Variants in VEPH1 observed in about 807,000 individuals in gnomAD.
VEPH1 encodes ventricular zone-expressed PH domain-containing protein homolog 1.
A neutral mutation model predicts 85.2 loss-of-function variants in VEPH1; 80 were observed. That is an observed-to-expected ratio of 0.94 (90% CI 0.78 to 1.13). The LOEUF is 1.13. VEPH1 is among the 50% of genes most tolerant of loss of function. The pLI is 0.00. For missense variants in VEPH1, 955 were observed against 980.5 expected (o/e 0.97, Z 0.35); for synonymous variants, 297 against 348.0 (o/e 0.85, Z 1.63).
At chr3:157,476,594 T>C (rs1323472496) in intron 2 of VEPH1, among the ~76,000 whole-genome samples, 1 of 152,146 alleles carries the variant, frequency 6.6e-6, no homozygotes, top group East Asian at 1.9e-4. Context: ...CACTCAACCT[T>C]ATATCCTGTT....
At chr3:157,369,180 G>GGAAAAAAAAA (rs1553773035) in intron 7 of VEPH1, among the ~76,000 whole-genome samples, 20 of 42,778 alleles carry the variant, frequency 4.7e-4, no homozygotes, top group South Asian at 2.3e-3. Flanking sequence ...AAAACCAAAT[G>GGAAAAAAAAA]AAAAAAAAAA....
At position 157,383,537 on chromosome 3, in the gene VEPH1, A is replaced by T. The variant is rs536694555; in HGVS notation, c.907-2161T>A. The stretch of plus-strand genomic sequence containing the variant: ...AAATATTTAATACAGAACAAATTTA[A>T]GTAGTGAAGTTCCCTCATTTTTGGT... On this transcript the variant is annotated intron_variant, in intron 6 of 13. Coordinates refer to ENST00000362010, the MANE Select transcript of VEPH1 (RefSeq NM_001167912.2). 9.8e-5 allele frequency among the ~76,000 whole-genome samples: 15 copies of T among 152,378 alleles called. No individual in the cohort carries two copies. The East Asian group carries it at 2.9e-3, about 29-fold the overall frequency.
At chr3:157,271,277 G>C (rs1246408013) in intron 12 of VEPH1, among the ~76,000 whole-genome samples, 1 of 152,150 alleles carries the variant, frequency 6.6e-6, no homozygotes. Context: ...AGCCTGCGAG[G>C]GTCCAGCTAG....
rs756337672 is a variant in VEPH1 at position 157,261,322 on chromosome 3, C to T, written c.2314G>A (p.Val772Met). 11 of 1,613,618 alleles carry T rather than the reference C, an allele frequency of 6.8e-6. No individual in the cohort carries two copies. In the African/African-American group the frequency reaches 1.1e-4, roughly 16 times the overall value. Reference sequence around the variant, plus strand: ...CTGCGTTTCTTGGCCACAGCCTTCACACTCTGTACTTTGCTGAGTTCTATT... The same window carrying T: ...CTGCGTTTCTTGGCCACAGCCTTCATACTCTGTACTTTGCTGAGTTCTATT... ...CPIELSKVQSVKAVAKKRRDR... is the reference protein window; with the variant it reads ...CPIELSKVQSMKAVAKKRRDR... The change falls in exon 14 of 14, where the codon GTG (valine) becomes ATG (methionine). Residue 772 changes from valine (V) to methionine (M), a missense_variant. Val to Met is a conservative substitution (Grantham distance 21). Transcript: ENST00000362010.
At chr3:157,383,415 G>A (rs1468556005) in intron 6 of VEPH1, among the ~76,000 whole-genome samples, 2 of 152,220 alleles carry the variant, frequency 1.3e-5, no homozygotes, top group Non-Finnish European at 2.9e-5. Flanking sequence ...CACCCAGTGT[G>A]TGTGTCTCAA....
chr3:157,363,219 C>G, intron 9 of VEPH1, 145 bp downstream of exon 9: 1 of 475,772 alleles, frequency 2.1e-6, no homozygotes. Context: ...AAAAAAAAAA[C>G]TAACATAATG....
At chr3:157,402,240 A>T (rs2168431) in intron 6 of VEPH1, among the ~76,000 whole-genome samples, 102,083 of 152,020 alleles carry the variant, frequency 0.67, 34,646 homozygotes, top group South Asian at 0.75. Context: ...CCCCTCTATC[A>T]CTCTCTTACC....
chr3:157,297,591 TGTG>T (rs1718290108), intron 11 of VEPH1, among the ~76,000 whole-genome samples: 3 of 151,938 alleles, frequency 2.0e-5, no homozygotes, highest in African/African-American at 7.3e-5. Flanking sequence ...AAGGGCAGGT[TGTG>T]GTAGATAAGA....
At chr3:157,353,165 T>C (rs898780162) in intron 9 of VEPH1, among the ~76,000 whole-genome samples, 1 of 152,184 alleles carries the variant, frequency 6.6e-6, no homozygotes, top group African/African-American at 2.4e-5. Context: ...CTGAAGCCAA[T>C]TATTCTTATT....
rs938407356 is a variant in VEPH1, at chr3:157,459,613, A to G, written c.529+568T>C. 3.2e-6 allele frequency: 4 copies of G among 1,236,572 alleles called. No homozygotes were observed. In the Admixed American group the frequency reaches 1.2e-4, roughly 36 times the overall value. The allele number at this position is 1,236,572 out of a possible 1,614,324, so 76.6% of individuals were successfully genotyped here. A position where few individuals can be genotyped will look rare whatever the true frequency, so the allele number is the denominator to read the frequency against. ...AAACCAAAGAAAATAAAAGAAGACA[A>G]GGAGAATATTTTGCATGAACTAATT... On this transcript the variant is annotated intron_variant, in intron 4 of 13. Coordinates refer to ENST00000362010, the MANE Select transcript of VEPH1 (RefSeq NM_001167912.2).
intron 2 of VEPH1, among the ~76,000 whole-genome samples, chr3:157,479,132 G>A (rs917463062): frequency 1.3e-5 from 2 of 152,132 alleles, no homozygotes; most frequent in Non-Finnish European, 2.9e-5. Context: ...TTGCATTCCA[G>A]AAAATATCAT....
chr3:157,435,038 C>T (rs1236904100), intron 4 of VEPH1, among the ~76,000 whole-genome samples: 1 of 151,972 alleles, frequency 6.6e-6, no homozygotes, highest in East Asian at 1.9e-4. Context: ...GCCACTTAAT[C>T]CATGCCTTGA....
intron 11 of VEPH1, among the ~76,000 whole-genome samples, chr3:157,287,404 A>G (rs1716917230): frequency 6.6e-6 from 1 of 151,190 alleles, no homozygotes; most frequent in Non-Finnish European, 1.5e-5. Context: ...AATATTTATT[A>G]TGTTGGCTTT....
chr3:157,416,275 A>G (rs938600385), intron 5 of VEPH1, among the ~76,000 whole-genome samples: 2 of 152,218 alleles, frequency 1.3e-5, no homozygotes, highest in Non-Finnish European at 2.9e-5. Context: ...AACAACTAAC[A>G]AGAACATAAA....
chr3:157,401,687 C>G lies in VEPH1; in HGVS notation c.906+12194G>C, dbSNP rs1194947270. ...ATAATTTCTCTGGTACCTTACCCAC[C>G]AAACCTTCTAACACTCCCTATTTTA... is the stretch of plus-strand genomic sequence containing the variant. On this transcript the variant is annotated intron_variant, in intron 6 of 13. Coordinates refer to ENST00000362010, the MANE Select transcript of VEPH1 (RefSeq NM_001167912.2). 4.6e-5 allele frequency among the ~76,000 whole-genome samples: 7 copies of G among 151,972 alleles called. No homozygotes were observed. In the South Asian group the frequency reaches 1.5e-3, roughly 32 times the overall value.
chr3:157,356,885 C>G (rs1725503483), intron 9 of VEPH1, among the ~76,000 whole-genome samples: 1 of 152,266 alleles, frequency 6.6e-6, no homozygotes, highest in Non-Finnish European at 1.5e-5. Context: ...CCATTTTATA[C>G]TGCACTGCAT....
At chr3:157,313,490 G>T in intron 11 of VEPH1, 131 bp downstream of exon 11, 1 of 1,087,958 alleles carries the variant, frequency 9.2e-7, no homozygotes, top group Non-Finnish European at 1.3e-6. Flanking sequence ...TTTCTTACAA[G>T]TGTTTTATGA....
chr3:157,488,349 C>T (rs1434039054), intron 2 of VEPH1, among the ~76,000 whole-genome samples: 2 of 152,100 alleles, frequency 1.3e-5, no homozygotes, highest in East Asian at 3.9e-4. Flanking sequence ...GTCATAATGA[C>T]CTTCATGTGT....
At position 157,260,945 on chromosome 3, in the gene VEPH1, C is replaced by A. The variant is rs890807377; in HGVS notation, c.*189G>T. 5.6e-5 allele frequency: 40 copies of A among 710,898 alleles called. No homozygotes were observed. The highest frequency in any genetic ancestry group is 3.6e-4 in the Middle Eastern group (1 of 2,778). 44.0% of individuals were successfully genotyped at this position (710,898 alleles called of 1,614,324 possible). A position where few individuals can be genotyped will look rare whatever the true frequency, so the allele number is the denominator to read the frequency against. ...CATCAGATATATTCTGAAGTCAATA[C>A]TAAAGCTGTTAGAGTATGACATTTA... On this transcript the variant is annotated 3_prime_UTR_variant, in exon 14 of 14. Transcript: ENST00000362010.
Sources: allele counts gnomAD v4.1 joint callset (sites outside exome capture counted in the v4.1 genomes callset), GRCh38; gene constraint gnomAD v4.1.1; transcripts MANE v1.5; gene names NCBI Gene and HGNC (gene_info 2026-07-23, HGNC 2026-07-21).